Variants in TNIK observed in about 807,000 individuals in gnomAD.
The protein encoded by TNIK is TRAF2 and NCK-interacting protein kinase.
TNIK carries 49 observed loss-of-function variants against 191.3 expected under a neutral mutation model. That is an observed-to-expected ratio of 0.26 (90% CI 0.20 to 0.32). The LOEUF (loss-of-function observed/expected upper bound fraction) is 0.32. Among genes scored for constraint, TNIK ranks in the 10% least tolerant of loss-of-function variants. The pLI is 1.00. For missense variants in TNIK, 1,155 were observed against 1,702.3 expected, an observed-to-expected ratio of 0.68 and a Z score of 5.66; for synonymous variants, 594 against 600.9, an observed-to-expected ratio of 0.99 and a Z score of 0.17.
At chr3:171,205,455 C>T (rs560849237) in intron 4 of TNIK, among the ~76,000 whole-genome samples, 75 of 152,194 alleles carry the variant, frequency 4.9e-4, no homozygotes, top group Non-Finnish European at 3.4e-4. Flanking sequence ...GCTGTAACTT[C>T]CACATTTTGT....
At chr3:171,455,185 G>C (rs1728648773) in intron 1 of TNIK, among the ~76,000 whole-genome samples, 1 of 152,134 alleles carries the variant, frequency 6.6e-6, no homozygotes, top group South Asian at 2.1e-4. Context: ...AAGGTCTGTG[G>C]AGGTACTGTT....
chr3:171,444,678 A>G lies in TNIK; in HGVS notation c.57+15329T>C, dbSNP rs147750198. ...GACTTTTCAATTTCAAGTATCTTTG[A>G]GTCTTACAAACAATTCAAATGCAAA... On this transcript the variant is annotated intron_variant, in intron 1 of 32. Transcript: ENST00000436636. Among the ~76,000 whole-genome samples, 93 of 152,186 alleles carry G rather than the reference A, an allele frequency of 6.1e-4. 1 individual carries two copies. The highest frequency in any genetic ancestry group is 2.2e-3 in the African/African-American group (90 of 41,536).
chr3:171,144,068 G>C (rs1731211587), intron 12 of TNIK, among the ~76,000 whole-genome samples: 1 of 152,174 alleles, frequency 6.6e-6, no homozygotes, highest in Non-Finnish European at 1.5e-5. Flanking sequence ...GAAGATAGTG[G>C]TCCTGCTATC....
In TNIK at chr3:171,084,290, C is replaced by A; in HGVS notation, c.3034G>T (p.Ala1012Ser). The change falls in exon 26 of 33, where the codon GCC becomes TCC. Residue 1012 changes from alanine (A) to serine (S), a missense_variant. By Grantham distance (99) the Ala-to-Ser change is moderately conservative (BLOSUM62 1). Coordinates refer to ENST00000436636, the MANE Select transcript of TNIK (RefSeq NM_015028.4). ...FTSELLRQEQ[A>S]KLNEARKISV... ...ATCTTTCTTGCTTCATTGAGTTTGG[C>A]CTGTTCTTGCCTAAGAAGTTCGCTA... The A allele has an allele frequency of 6.2e-7, 1 of 1,613,620 alleles. No individual in the cohort carries two copies. Among genetic ancestry groups the A allele is most frequent in the African/African-American group, 1.3e-5 (1 of 74,984 alleles).
chr3:171,311,779 C>T (rs1754044675), intron 2 of TNIK, among the ~76,000 whole-genome samples: 1 of 152,182 alleles, frequency 6.6e-6, no homozygotes. Flanking sequence ...CACATCCTTT[C>T]TTTACAAAGG....
intron 2 of TNIK, among the ~76,000 whole-genome samples, chr3:171,240,078 C>G (rs910416221): frequency 6.6e-6 from 1 of 152,204 alleles, no homozygotes; most frequent in African/African-American, 2.4e-5. Context: ...TGCGATCCAA[C>G]TGTGACCTAT....
At chr3:171,370,021 A>T (rs1716279891) in intron 1 of TNIK, among the ~76,000 whole-genome samples, 1 of 152,190 alleles carries the variant, frequency 6.6e-6, no homozygotes, top group African/African-American at 2.4e-5. Flanking sequence ...CAGCAAGATA[A>T]AGTGAAAGAC....
chr3:171,220,269 CA>C (rs1742135636), intron 3 of TNIK, among the ~76,000 whole-genome samples: 1 of 152,042 alleles, frequency 6.6e-6, no homozygotes, highest in African/African-American at 2.4e-5. Flanking sequence ...GGAGGGAGAG[CA>C]TTAGGAGAAA....
rs370021155 is a variant in TNIK, at chr3:171,085,087, G to C, written c.2998+31C>G. On this transcript the variant is annotated intron_variant, in intron 25 of 32. Coordinates refer to ENST00000436636, the MANE Select transcript of TNIK (RefSeq NM_015028.4). ...TCATACCAGAAAGGAAGACGAAGCT[G>C]TTTTTTAAACACAGGGCCCTTCTTG... The C allele has an allele frequency of 3.2e-5, 50 of 1,558,694 alleles. No homozygotes were observed. The African/African-American group carries it at 6.2e-4, about 19-fold the overall frequency.
At chr3:171,298,931 G>A (rs1293128001) in intron 2 of TNIK, among the ~76,000 whole-genome samples, 2 of 152,126 alleles carry the variant, frequency 1.3e-5, no homozygotes, top group Admixed American at 1.3e-4. Context: ...GCAAGGAATG[G>A]CTCCATCATG....
intron 21 of TNIK, among the ~76,000 whole-genome samples, chr3:171,103,075 T>C (rs1456825971): frequency 6.6e-6 from 1 of 152,172 alleles, no homozygotes; most frequent in East Asian, 1.9e-4. Context: ...GAAAGCAAAA[T>C]GGCTTTTAAA....
rs566910215 is a variant in TNIK, at chr3:171,062,243, T to A, written c.*1638A>T. 3 of 152,200 alleles carry A rather than the reference T, an allele frequency of 2.0e-5. No individual in the cohort carries two copies. Among genetic ancestry groups the A allele is most frequent in the South Asian group, 4.2e-4 (2 of 4,816 alleles). 9.4% of individuals were successfully genotyped at this position (152,200 alleles called of 1,614,324 possible). On this transcript the variant is annotated 3_prime_UTR_variant, in exon 33 of 33. Coordinates refer to ENST00000436636, the MANE Select transcript of TNIK (RefSeq NM_015028.4). ...GCCACATTAGTTTTTGTCATTGGATTCCCCCCACTTCCAATTTTTTAAGAA... is the reference window on the plus strand; with the variant it reads ...GCCACATTAGTTTTTGTCATTGGATACCCCCCACTTCCAATTTTTTAAGAA...
chr3:171,430,993 T>G (rs1182534513), intron 1 of TNIK, among the ~76,000 whole-genome samples: 3 of 152,138 alleles, frequency 2.0e-5, no homozygotes, highest in African/African-American at 4.8e-5. Flanking sequence ...CTGAACCAGA[T>G]TTAACATTAT....
At chr3:171,446,600 GC>G (rs2108711052) in intron 1 of TNIK, among the ~76,000 whole-genome samples, 1 of 152,282 alleles carries the variant, frequency 6.6e-6, no homozygotes, top group South Asian at 2.1e-4. Context: ...AGAATACGGA[GC>G]TTTTTACTCT....
intron 2 of TNIK, among the ~76,000 whole-genome samples, chr3:171,278,182 T>C (rs1749995869): frequency 6.6e-6 from 1 of 152,140 alleles, no homozygotes; most frequent in South Asian, 2.1e-4. Context: ...TGGGCCCCAG[T>C]TGGGTATATG....
intron 2 of TNIK, among the ~76,000 whole-genome samples, chr3:171,362,402 A>G (rs1247941915): frequency 6.6e-6 from 1 of 152,110 alleles, no homozygotes; most frequent in Admixed American, 6.6e-5. Context: ...AATGGCAAAA[A>G]CCACAATTAT....
In TNIK at chr3:171,253,365, G is replaced by A. The variant is rs573541184; in HGVS notation, c.124-25144C>T. On this transcript the variant is annotated intron_variant, in intron 2 of 32. Coordinates refer to ENST00000436636, the MANE Select transcript of TNIK (RefSeq NM_015028.4). ...CTGTCCCTCTTGCAGCCTCAGTGAG[G>A]TGCGAAAGGTCTCTGATTTCAGGCA... Among the ~76,000 whole-genome samples the A allele has an allele frequency of 2.6e-5, 4 of 152,064 alleles. No individual in the cohort carries two copies. In the South Asian group the frequency reaches 8.3e-4, roughly 32 times the overall value.
chr3:171,441,186 C>G (rs1726755299), intron 1 of TNIK, among the ~76,000 whole-genome samples: 2 of 152,090 alleles, frequency 1.3e-5, no homozygotes, highest in Admixed American at 6.5e-5. Context: ...GTGTCTCAGG[C>G]ATATTATACT....
At chr3:171,442,179 A>T (rs1483946638) in intron 1 of TNIK, among the ~76,000 whole-genome samples, 4 of 152,244 alleles carry the variant, frequency 2.6e-5, no homozygotes, top group Admixed American at 1.3e-4. Flanking sequence ...GCAGCAACTT[A>T]TAGAAGGCAG....
Sources: allele counts gnomAD v4.1 joint callset (sites outside exome capture counted in the v4.1 genomes callset), GRCh38; gene constraint gnomAD v4.1.1; transcripts MANE v1.5; gene names NCBI Gene and HGNC (gene_info 2026-07-23, HGNC 2026-07-21).